Variants in DACH2 observed in about 807,000 individuals in gnomAD.
DACH2 encodes dachshund family transcription factor 2.
A neutral mutation model predicts 35.8 loss-of-function variants in DACH2; 17 were observed. That is an observed-to-expected ratio of 0.48 (90% CI 0.33 to 0.71). The LOEUF (loss-of-function observed/expected upper bound fraction) is 0.71. DACH2 is among the 30% of genes least tolerant of loss of function. The pLI is 0.02. For synonymous variants in DACH2, 195 were observed against 177.3 expected, an observed-to-expected ratio of 1.10 and a Z score of -0.79; for missense variants, 469 against 472.7, an observed-to-expected ratio of 0.99 and a Z score of 0.07.
At chrX:86,176,864 T>G (rs2031320888) in intron 1 of DACH2, among the ~76,000 whole-genome samples, 1 of 112,294 alleles carries the variant, frequency 8.9e-6, no homozygotes, top group Non-Finnish European at 1.9e-5. Flanking sequence ...TATTATAAAC[T>G]GATTTCATAC....
intron 1 of DACH2, among the ~76,000 whole-genome samples, chrX:86,287,276 G>A (rs1184914268): frequency 8.9e-6 from 1 of 111,862 alleles, no homozygotes; most frequent in African/African-American, 3.2e-5. Flanking sequence ...TCCATTGTAT[G>A]TTATTTGTTT....
intron 7 of DACH2, among the ~76,000 whole-genome samples, chrX:86,744,410 G>A (rs2041689625): frequency 8.9e-6 from 1 of 111,862 alleles, no homozygotes. Context: ...AAGGGAATGA[G>A]TTAAAGTAGA....
At chrX:86,661,900 C>G (rs1021126894) in intron 4 of DACH2, among the ~76,000 whole-genome samples, 1 of 111,976 alleles carries the variant, frequency 8.9e-6, no homozygotes, top group Non-Finnish European at 1.9e-5. Flanking sequence ...GATATTCCAA[C>G]ATTGTAGTTC....
At chrX:86,529,208 T>A (rs1388114727) in intron 3 of DACH2, among the ~76,000 whole-genome samples, 1 of 111,172 alleles carries the variant, frequency 9.0e-6, no homozygotes, top group Non-Finnish European at 1.9e-5. Flanking sequence ...TATACTTGGA[T>A]AAATTTTTAA....
chrX:86,301,544 G>A (rs747847286), intron 1 of DACH2, among the ~76,000 whole-genome samples: 5 of 111,923 alleles, frequency 4.5e-5, no homozygotes, highest in African/African-American at 1.6e-4. Context: ...TCATCAAAAT[G>A]TCATTGTGGT....
intron 2 of DACH2, among the ~76,000 whole-genome samples, chrX:86,463,921 A>C (rs1362242431): frequency 8.9e-6 from 1 of 111,984 alleles, no homozygotes; most frequent in Non-Finnish European, 1.9e-5. Flanking sequence ...ACGAAAAAAA[A>C]CTTATCATCA....
intron 2 of DACH2, among the ~76,000 whole-genome samples, chrX:86,445,909 T>G (rs1345855230): frequency 1.8e-5 from 2 of 111,516 alleles, no homozygotes; most frequent in Non-Finnish European, 3.8e-5. Flanking sequence ...TCTTTGTTGG[T>G]TTTCTGTGTG....
chrX:86,417,627 C>T (rs1281100067), intron 2 of DACH2, among the ~76,000 whole-genome samples: 1 of 111,239 alleles, frequency 9.0e-6, no homozygotes, highest in Non-Finnish European at 1.9e-5. Context: ...AGTCATGTCC[C>T]ACCAGATTCC....
intron 7 of DACH2, among the ~76,000 whole-genome samples, chrX:86,753,367 A>C (rs1465417999): frequency 8.9e-6 from 1 of 112,038 alleles, no homozygotes; most frequent in Non-Finnish European, 1.9e-5. Context: ...AAAAGTATTT[A>C]AAATTCCTTA....
chrX:86,371,961 A>C lies in DACH2; in HGVS notation c.489-4863A>C, dbSNP rs377705137. Among the ~76,000 whole-genome samples, 29 of 111,398 alleles carry C rather than the reference A, an allele frequency of 2.6e-4. No homozygotes were observed. The East Asian group carries it at 5.4e-3, about 21-fold the overall frequency. On this transcript the variant is annotated intron_variant, in intron 1 of 11. Transcript: ENST00000373125. The stretch of plus-strand genomic sequence containing the variant: ...TTTATTGTATTGGGCCAGAAAAATA[A>C]ATTGCATGACTAAAAGATATTACCT...
At chrX:86,790,979 C>T (rs1478016832) in intron 7 of DACH2, among the ~76,000 whole-genome samples, 1 of 111,382 alleles carries the variant, frequency 9.0e-6, no homozygotes, top group African/African-American at 3.3e-5. Flanking sequence ...TCTTACAATA[C>T]AGTAAGCTAG....
intron 3 of DACH2, among the ~76,000 whole-genome samples, chrX:86,585,565 T>G (rs1461241148): frequency 9.0e-6 from 1 of 110,553 alleles, no homozygotes; most frequent in Non-Finnish European, 1.9e-5. Flanking sequence ...TCCTCCAACC[T>G]TCCATCCTCA....
At chrX:86,214,303 T>C (rs889339174) in intron 1 of DACH2, among the ~76,000 whole-genome samples, 19 of 112,162 alleles carry the variant, frequency 1.7e-4, no homozygotes, top group African/African-American at 5.8e-4. Flanking sequence ...TTTGAACACT[T>C]GAGCCAAGCA....
At chrX:86,299,350 A>G (rs897540066) in intron 1 of DACH2, among the ~76,000 whole-genome samples, 2 of 111,402 alleles carry the variant, frequency 1.8e-5, no homozygotes, top group South Asian at 7.5e-4. Flanking sequence ...CATGCCCCCA[A>G]TGAGGGGGTT....
intron 7 of DACH2, among the ~76,000 whole-genome samples, chrX:86,766,016 A>G (rs2041931582): frequency 1.8e-5 from 2 of 109,748 alleles, no homozygotes; most frequent in South Asian, 7.7e-4. Flanking sequence ...TCTTCCCTCT[A>G]TGACTTGGAC....
chrX:86,758,895 T>C (rs781398848), intron 7 of DACH2, among the ~76,000 whole-genome samples: 23 of 112,603 alleles, frequency 2.0e-4, no homozygotes, highest in Admixed American at 9.4e-5. Context: ...ACCTCAAACA[T>C]TTATCCTTTG....
intron 2 of DACH2, among the ~76,000 whole-genome samples, chrX:86,455,087 C>T (rs1027549261): frequency 1.8e-5 from 2 of 110,448 alleles, no homozygotes; most frequent in Non-Finnish European, 3.8e-5. Flanking sequence ...TCATTTTTTT[C>T]CTGTACCTGG....
intron 1 of DACH2, among the ~76,000 whole-genome samples, chrX:86,208,591 G>A (rs1026266830): frequency 6.3e-5 from 7 of 111,511 alleles, no homozygotes; most frequent in African/African-American, 2.3e-4. Flanking sequence ...TTTTAGCACA[G>A]TATGTATAAA....
intron 3 of DACH2, among the ~76,000 whole-genome samples, chrX:86,537,891 A>G (rs1422296602): frequency 9.0e-6 from 1 of 111,128 alleles, no homozygotes; most frequent in Non-Finnish European, 1.9e-5. Flanking sequence ...TGATGACATT[A>G]CCTTGTGAAA....
Sources: allele counts gnomAD v4.1 joint callset (sites outside exome capture counted in the v4.1 genomes callset), GRCh38; gene constraint gnomAD v4.1.1; transcripts MANE v1.5; gene names NCBI Gene and HGNC (gene_info 2026-07-23, HGNC 2026-07-21).